The following SASH1 variants were observed in gnomAD, a reference collection of about 807,000 sequenced individuals.
SASH1 encodes the protein SAM and SH3 domain-containing protein 1.
SASH1 carries 44 observed loss-of-function variants against 125.2 expected under a neutral mutation model. The ratio of observed to expected loss-of-function variants is 0.35; its 90% CI spans 0.28 to 0.45. SASH1 has a LOEUF of 0.45. Ranked by LOEUF, SASH1 falls within the 20% of genes least tolerant of loss-of-function variation. The probability of loss-of-function intolerance (pLI) is 1.00; values close to 1 mark genes in which losing one functional copy is unlikely to be tolerated. For synonymous variants in SASH1, 639 were observed against 649.1 expected (o/e 0.98, Z 0.24); for missense variants, 1,426 against 1,614.5 (o/e 0.88, Z 2.00).
chr6:148,320,416 G>A (rs928875792), intron 1 of SASH1, among the ~76,000 whole-genome samples: 1 of 152,210 alleles, frequency 6.6e-6, no homozygotes, highest in African/African-American at 2.4e-5. Context: ...CATTAGTGAA[G>A]TGTTCCAAAT....
the SASH1 span, among the ~76,000 whole-genome samples, chr6:148,194,884 C>A: frequency 1.3e-5 from 2 of 152,096 alleles, no homozygotes; most frequent in Non-Finnish European, 1.5e-5. Context: ...CCAGCCTGGG[C>A]GACAGAGCGA....
chr6:148,512,352 A>C (rs1454403246), intron 8 of SASH1: 6 of 435,706 alleles, frequency 1.4e-5, no homozygotes, highest in Non-Finnish European at 1.8e-5. Flanking sequence ...ATAGTTATAG[A>C]GACTTTCTAT....
chr6:148,264,901 T>A, the SASH1 span, among the ~76,000 whole-genome samples: 2 of 152,266 alleles, frequency 1.3e-5, no homozygotes, highest in Non-Finnish European at 2.9e-5. Context: ...TCTATGGCCA[T>A]CTAGAAAGCA....
At position 148,448,522 on chromosome 6, in the gene SASH1, A is replaced by T. The variant is rs368790880; in HGVS notation, c.386+8115A>T. Among the ~76,000 whole-genome samples the T allele has an allele frequency of 3.0e-4, 45 of 151,582 alleles. 2 individuals are homozygous for T. The highest frequency in any genetic ancestry group is 9.7e-4 in the African/African-American group (40 of 41,278). ...CTTTTCCCCGGGTCACACTTCTCTC[A>T]TCTCCCTTGGTGGCTGCGACTTTGC... On this transcript the variant is annotated intron_variant, in intron 4 of 19. Transcript: ENST00000367467.
intron 2 of SASH1, among the ~76,000 whole-genome samples, chr6:148,420,648 C>T (rs1785019799): frequency 6.6e-6 from 1 of 152,168 alleles, no homozygotes; most frequent in South Asian, 2.1e-4. Context: ...TTAGCCTTCA[C>T]TAAGGAATAC....
chr6:148,347,465 C>T (rs1781557735), intron 1 of SASH1, among the ~76,000 whole-genome samples: 2 of 152,168 alleles, frequency 1.3e-5, no homozygotes, highest in African/African-American at 4.8e-5. Flanking sequence ...TCCTATCTTA[C>T]TATTTACTCC....
chr6:148,326,551 C>A (rs137859067), intron 1 of SASH1, among the ~76,000 whole-genome samples: 1 of 148,742 alleles, frequency 6.7e-6, no homozygotes, highest in Non-Finnish European at 1.5e-5. Flanking sequence ...ATTACAGCCA[C>A]GCGCCACCGT....
In SASH1 at chr6:148,414,351, T is replaced by C. The variant is rs1371145804; in HGVS notation, c.285+24089T>C. Among the ~76,000 whole-genome samples the C allele has an allele frequency of 2.0e-5, 3 of 151,958 alleles. No individual in the cohort carries two copies. The East Asian group carries it at 5.9e-4, about 30-fold the overall frequency. On this transcript the variant is annotated intron_variant, in intron 2 of 19. Transcript: ENST00000367467. ...CTCTTAGGCAGTCAAGCAGAATGGTTCAGGATGAGGGCGAGGGTGAATGCA... is the reference window on the plus strand; with the variant it reads ...CTCTTAGGCAGTCAAGCAGAATGGTCCAGGATGAGGGCGAGGGTGAATGCA...
rs1175075019 is a variant in SASH1 at position 148,519,826 on chromosome 6, C to T, written c.1142C>T (p.Ala381Val). 1.9e-6 allele frequency: 3 copies of T among 1,612,156 alleles called. No individual in the cohort carries two copies. The highest frequency in any genetic ancestry group is 2.5e-6 in the Non-Finnish European group (3 of 1,179,378). ...TFFSYPEEEK[A>V]QKVSRSLTEG... ...TTCTCCTACCCAGAAGAAGAAAAGG[C>T]CCAGAAAGTGTCCCGCTCCCTCACC... is the stretch of plus-strand genomic sequence containing the variant. The change falls in exon 10 of 20, where the codon GCC (alanine) becomes GTC (valine). Residue 381 changes from alanine to valine, a missense_variant. Physicochemically the swap from Ala to Val is moderately conservative, Grantham distance 64. Transcript: ENST00000367467. This position sits in a 1 kb window ranked among gnomAD's most constrained non-coding sequence, Gnocchi z 4.8.
At chr6:148,306,416 G>GA (rs1780131500) in intron 1 of SASH1, among the ~76,000 whole-genome samples, 2 of 152,206 alleles carry the variant, frequency 1.3e-5, no homozygotes, top group African/African-American at 4.8e-5. Context: ...CCAGGCCTCA[G>GA]CTGGGTCCCA....
intron 2 of SASH1, among the ~76,000 whole-genome samples, chr6:148,406,432 A>G (rs1380464575): frequency 6.6e-6 from 1 of 152,246 alleles, no homozygotes; most frequent in Non-Finnish European, 1.5e-5. Context: ...TACAGTTTGC[A>G]TACAGATTCC....
At chr6:148,349,252 CTTTTTTTTTTTTTT>C (rs11317386) in intron 1 of SASH1, among the ~76,000 whole-genome samples, 3 of 47,042 alleles carry the variant, frequency 6.4e-5, no homozygotes, top group Admixed American at 3.6e-4. Flanking sequence ...TTCTTTCTTT[CTTTTTTTTTTTTTT>C]TTTTTTTTTT....
At chr6:148,438,885 A>G (rs1776424332) in intron 2 of SASH1, among the ~76,000 whole-genome samples, 2 of 152,298 alleles carry the variant, frequency 1.3e-5, no homozygotes, top group Admixed American at 1.3e-4. Context: ...ACAATCCTGC[A>G]TGAAAGTGCA....
At chr6:148,393,729 AC>A in intron 2 of SASH1, 1 of 985,390 alleles carries the variant, frequency 1.0e-6, no homozygotes, top group Non-Finnish European at 1.2e-6. Flanking sequence ...AGAAAACACC[AC>A]ATGAGCTTAA....
intron 1 of SASH1, among the ~76,000 whole-genome samples, chr6:148,373,537 G>GCC (rs893399004): frequency 6.6e-5 from 10 of 152,152 alleles, no homozygotes; most frequent in African/African-American, 2.4e-4. Context: ...AGAAACAGGA[G>GCC]CCCGAGTAAG....
the SASH1 span, among the ~76,000 whole-genome samples, chr6:148,207,292 G>A: frequency 7.9e-4 from 121 of 152,320 alleles, 2 homozygotes; most frequent in Admixed American, 7.7e-3. Flanking sequence ...TGTGACTTAG[G>A]AACTAAATTC....
Position 148,533,113 on chromosome 6 carries a change from G to A in SASH1, c.1734+147G>A. 1 of 888,866 alleles carries A rather than the reference G, an allele frequency of 1.1e-6. No individual in the cohort carries two copies. The highest frequency in any genetic ancestry group is 1.7e-6 in the Non-Finnish European group (1 of 581,342). The allele number at this position is 888,866 out of a possible 1,614,324, so 55.1% of individuals were successfully genotyped here. On this transcript the variant is annotated intron_variant, in intron 14 of 19. Transcript: ENST00000367467. This position sits in a 1 kb window ranked among gnomAD's most constrained non-coding sequence, Gnocchi z 6.2. ...ACCTCGATCACTGGTCTCCTCTGTA[G>A]TGAAAAACAGAACAAGAACCAGCCA...
intron 1 of SASH1, among the ~76,000 whole-genome samples, chr6:148,289,733 A>G (rs924949593): frequency 1.3e-5 from 2 of 152,174 alleles, no homozygotes; most frequent in Non-Finnish European, 2.9e-5. Context: ...CAGGGGATGC[A>G]GTCCCCTTTG....
At chr6:148,400,522 G>A (rs996280538) in intron 2 of SASH1, among the ~76,000 whole-genome samples, 1 of 152,206 alleles carries the variant, frequency 6.6e-6, no homozygotes, top group African/African-American at 2.4e-5. Context: ...GGCAGAGGCA[G>A]GTGGATCCTT....
Sources: allele counts gnomAD v4.1 joint callset (sites outside exome capture counted in the v4.1 genomes callset), GRCh38; gene constraint gnomAD v4.1.1; non-coding constraint Gnocchi (gnomAD v3.1); transcripts MANE v1.5; gene names NCBI Gene and HGNC (gene_info 2026-07-23, HGNC 2026-07-21).